MAP3K19: variants seen among roughly 807,000 people sequenced by gnomAD.
The protein encoded by MAP3K19 is SPS1/STE20-related protein kinase YSK4.
Under a neutral mutation model 114.4 loss-of-function variants are expected in MAP3K19, and 91 were observed. The observed-to-expected ratio is 0.80, with a 90% CI of 0.67 to 0.95. The LOEUF (loss-of-function observed/expected upper bound fraction) is 0.95, where lower values mean the gene tolerates loss of function less well. MAP3K19 is among the 40% of genes least tolerant of loss of function. The probability of loss-of-function intolerance (pLI) is 0.00; values close to 1 mark genes in which losing one functional copy is unlikely to be tolerated. For synonymous variants in MAP3K19, 518 were observed against 530.5 expected, an observed-to-expected ratio of 0.98 and a Z score of 0.32; for missense variants, 1,471 against 1,573.2, an observed-to-expected ratio of 0.94 and a Z score of 1.10.
At chr2:135,026,743 C>T (rs961977796) in intron 3 of MAP3K19, among the ~76,000 whole-genome samples, 1 of 152,150 alleles carries the variant, frequency 6.6e-6, no homozygotes, top group Non-Finnish European at 1.5e-5. Flanking sequence ...AATTGCTTTT[C>T]AGACATTGAC....
At chr2:134,993,877 G>A (rs943417646) in intron 8 of MAP3K19, among the ~76,000 whole-genome samples, 8 of 152,258 alleles carry the variant, frequency 5.3e-5, no homozygotes, top group African/African-American at 1.9e-4. Context: ...CAGGTGTGGT[G>A]CCATGCACCT....
chr2:135,022,410 T>A (rs770521458), intron 4 of MAP3K19, among the ~76,000 whole-genome samples: 3 of 152,190 alleles, frequency 2.0e-5, no homozygotes, highest in Admixed American at 2.0e-4. Context: ...TTCCTGAGGA[T>A]GACCCATCAT....
chr2:134,988,371 A>T (rs1325752006), intron 9 of MAP3K19, 118 bp from the exon 10 acceptor site: 1 of 845,902 alleles, frequency 1.2e-6, no homozygotes, highest in Admixed American at 2.9e-5. Context: ...TTAAAGTTCA[A>T]AGCTATCCTG....
intron 5 of MAP3K19, among the ~76,000 whole-genome samples, chr2:135,014,862 T>C (rs1687477467): frequency 6.6e-6 from 1 of 152,262 alleles, no homozygotes; most frequent in Non-Finnish European, 1.5e-5. Context: ...TTTTTGCATG[T>C]AATTTTAGAT....
Position 134,986,177 on chromosome 2 carries a change from G to T in MAP3K19, c.2695C>A (p.His899Asn), listed in dbSNP as rs749952182. The part of the protein sequence containing the change: ...NDLEFDSVSD[H>N]SKTLTNFSFQ... ...GAGAAATTTGTAAGTGTTTTAGAGT[G>T]ATCTGAAACACTATCAAACTCTAGA... The change falls in exon 10 of 13, where the codon CAC becomes AAC. Residue 899 changes from histidine (H) to asparagine (N), a missense_variant. Coordinates refer to ENST00000392915, the MANE Select transcript of MAP3K19 (RefSeq NM_025052.5). 6.2e-7 allele frequency: 1 copy of T among 1,613,662 alleles called. No homozygotes were observed. The highest frequency in any genetic ancestry group is 1.1e-5 in the South Asian group (1 of 90,866).
chr2:135,002,438 A>G (rs969949181), intron 6 of MAP3K19, among the ~76,000 whole-genome samples: 3 of 151,062 alleles, frequency 2.0e-5, no homozygotes, highest in Non-Finnish European at 4.4e-5. Context: ...ATTTTATTTT[A>G]TTTTATTTGT....
At chr2:134,983,540 T>G (rs886895324) in intron 11 of MAP3K19, 136 bp downstream of exon 11, 1 of 657,430 alleles carries the variant, frequency 1.5e-6, no homozygotes. Context: ...TTTCTGTTAC[T>G]TCCAACTGAA....
intron 8 of MAP3K19, among the ~76,000 whole-genome samples, chr2:134,992,847 AT>A: frequency 6.6e-6 from 1 of 151,226 alleles, no homozygotes; most frequent in African/African-American, 2.4e-5. Flanking sequence ...TTTTTTGTGT[AT>A]TTTTTATTTT....
intron 3 of MAP3K19, among the ~76,000 whole-genome samples, chr2:135,026,244 G>T (rs970502089): frequency 1.3e-5 from 2 of 152,048 alleles, no homozygotes; most frequent in Non-Finnish European, 2.9e-5. Flanking sequence ...AAACTCATTG[G>T]GGCCTCTCCT....
intron 10 of MAP3K19, 46 bp from the exon 11 acceptor site, chr2:134,983,871 CT>C: frequency 7.2e-7 from 1 of 1,379,540 alleles, no homozygotes; most frequent in Non-Finnish European, 9.8e-7. Context: ...AACCAAGTCA[CT>C]GGGATGGAGA....
chr2:134,986,794 G>C lies in MAP3K19; in HGVS notation c.2078C>G (p.Ser693Ter), dbSNP rs1159044780. Residue 693 changes from serine (S) to a stop codon, truncating the protein, a stop_gained, in exon 10 of 13, where the codon TCA becomes TGA. Transcript: ENST00000392915. LOFTEE classifies it high-confidence loss of function. ...TYYREICSAP[S>*]GRRITNKCRS... ...ACATTTATTGGTGATACGTCTGCCT[G>C]ATGGAGCCGAACATATCTCACGGTA... 2.0e-5 allele frequency: 33 copies of C among 1,614,198 alleles called. No homozygotes were observed. The highest frequency in any genetic ancestry group is 2.8e-5 in the Non-Finnish European group (33 of 1,180,038).
intron 12 of MAP3K19, among the ~76,000 whole-genome samples, chr2:134,976,901 G>A (rs1384198419): frequency 6.6e-6 from 1 of 151,704 alleles, no homozygotes; most frequent in Non-Finnish European, 1.5e-5. Flanking sequence ...AAAAACATCA[G>A]CTGGCCACAG....
intron 12 of MAP3K19, among the ~76,000 whole-genome samples, chr2:134,973,630 A>T (rs1223976837): frequency 4.0e-5 from 6 of 151,324 alleles, no homozygotes; most frequent in Non-Finnish European, 8.9e-5. Context: ...CATTTTGTTG[A>T]TTGTTTTCTG....
chr2:135,026,395 C>G (rs1443792887), intron 3 of MAP3K19, among the ~76,000 whole-genome samples: 1 of 152,168 alleles, frequency 6.6e-6, no homozygotes, highest in Non-Finnish European at 1.5e-5. Flanking sequence ...TTTCTCAACA[C>G]TAGGCTGAAG....
rs371229604 is a variant in MAP3K19 at position 134,983,665 on chromosome 2, G to A, written c.3222+11C>T. 6 of 1,529,796 alleles carry A rather than the reference G, an allele frequency of 3.9e-6. No individual in the cohort carries two copies. The African/African-American group carries it at 5.6e-5, about 14-fold the overall frequency. 94.8% of individuals were successfully genotyped at this position (1,529,796 alleles called of 1,614,324 possible). On this transcript the variant is annotated intron_variant, in intron 11 of 12. Coordinates refer to ENST00000392915, the MANE Select transcript of MAP3K19 (RefSeq NM_025052.5). ...GGGGAGTGCTGATTTCAAGTTTCCA[G>A]TTTAACTTACTGTGCCGTAGGCTCC...
At chr2:134,983,649 T>G in intron 11 of MAP3K19, 27 bp downstream of exon 11, 2 of 1,506,794 alleles carry the variant, frequency 1.3e-6, no homozygotes, top group Non-Finnish European at 8.8e-7. Flanking sequence ...TGGGGAGTGC[T>G]GATTTCAAGT....
At chr2:134,985,033 A>C (rs184985132) in intron 10 of MAP3K19, among the ~76,000 whole-genome samples, 9 of 152,346 alleles carry the variant, frequency 5.9e-5, no homozygotes, top group Admixed American at 5.9e-4. Context: ...ATAATATTTC[A>C]GTTTACCTAC....
rs1346396348 is a variant in MAP3K19 at position 135,030,408 on chromosome 2, T to C, written c.-191A>G. 6.6e-6 allele frequency: 1 copy of C among 152,622 alleles called. No individual in the cohort carries two copies. The highest frequency in any genetic ancestry group is 1.5e-5 in the Non-Finnish European group (1 of 68,020). The allele number at this position is 152,622 out of a possible 1,614,324, so 9.5% of individuals were successfully genotyped here. A position where few individuals can be genotyped will look rare whatever the true frequency, so the allele number is the denominator to read the frequency against. On this transcript the variant is annotated 5_prime_UTR_variant, in exon 3 of 13. Transcript: ENST00000392915. ...TTCTATTGACTGCCAAGAGTTGTCT[T>C]TGGATATTGCAATTAGCTACATGAA...
chr2:134,972,413 T>C (rs954492515), intron 12 of MAP3K19, among the ~76,000 whole-genome samples: 3 of 152,156 alleles, frequency 2.0e-5, no homozygotes, highest in African/African-American at 7.2e-5. Context: ...TTTCTTTTTT[T>C]CTACTAATTT....
Sources: gnomAD v4.1 joint callset for allele counts (sites outside exome capture counted in the v4.1 genomes callset) on GRCh38, gnomAD v4.1.1 for gene constraint, MANE v1.5 for transcripts, NCBI Gene and HGNC (gene_info 2026-07-23, HGNC 2026-07-21) for gene names.